Variants in PPP4R3A observed in about 807,000 individuals in gnomAD.
PPP4R3A encodes protein phosphatase 4 regulatory subunit 3A.
A neutral mutation model predicts 91.7 loss-of-function variants in PPP4R3A; 15 were observed. That is an observed-to-expected ratio of 0.16 (90% CI 0.11 to 0.25). The LOEUF is 0.25. PPP4R3A is among the 10% of genes least tolerant of loss of function. The pLI is 1.00. For synonymous variants in PPP4R3A, 377 were observed against 348.7 expected, an observed-to-expected ratio of 1.08 and a Z score of -0.91; for missense variants, 623 against 998.4, an observed-to-expected ratio of 0.62 and a Z score of 5.07.
intron 10 of PPP4R3A, among the ~76,000 whole-genome samples, chr14:91,470,031 T>G (rs1888744191): frequency 6.6e-6 from 1 of 152,018 alleles, no homozygotes; most frequent in Non-Finnish European, 1.5e-5. Context: ...AATTAGTGCA[T>G]GACTATGACT....
chr14:91,460,268 C>T (rs957060149), intron 14 of PPP4R3A, among the ~76,000 whole-genome samples: 1 of 152,134 alleles, frequency 6.6e-6, no homozygotes, highest in Non-Finnish European at 1.5e-5. Flanking sequence ...CCCCCTGGAC[C>T]TCCCAAAGCA....
At chr14:91,470,353 A>C (rs10873408) in intron 10 of PPP4R3A, among the ~76,000 whole-genome samples, 74,739 of 152,012 alleles carry the variant, frequency 0.49, 18,700 homozygotes, top group Admixed American at 0.53. Flanking sequence ...TTGTTATGAG[A>C]CTATATTGCT....
rs776676247 is a variant in PPP4R3A at position 91,462,905 on chromosome 14, T to C, written c.1831-28A>G. On this transcript the variant is annotated intron_variant, in intron 11 of 14. Coordinates refer to ENST00000554943, the MANE Select transcript of PPP4R3A (RefSeq NM_001366432.2). The stretch of plus-strand genomic sequence containing the variant: ...ACAGAAAAGAATAGTAATGAAAAAA[T>C]GATAGGAAAATGTCATTTTAGCAAG... 61 of 1,550,146 alleles carry C rather than the reference T, an allele frequency of 3.9e-5. No homozygotes were observed. In the South Asian group the frequency reaches 6.5e-4, roughly 16 times the overall value.
At position 91,509,711 on chromosome 14, in the gene PPP4R3A, AGGCGAGG is replaced by A. The variant is rs902059929; in HGVS notation, c.-71_-65del. The A allele has an allele frequency of 8.3e-5, 125 of 1,515,060 alleles. No homozygotes were observed. Among genetic ancestry groups the A allele is most frequent in the Non-Finnish European group, 1.1e-4 (124 of 1,139,858 alleles). The allele number at this position is 1,515,060 out of a possible 1,614,324, so 93.9% of individuals were successfully genotyped here. On this transcript the variant is annotated 5_prime_UTR_variant, in exon 1 of 15. Transcript: ENST00000554943. ...GACGCCCAGGAAAGGGGCCCTGGAG[AGGCGAGG>A]GGCGAGGCGTGAGGGCGCCCGCGAG...
intron 13 of PPP4R3A, 103 bp from the exon 14 acceptor site, chr14:91,461,710 G>C: frequency 8.6e-7 from 1 of 1,161,052 alleles, no homozygotes; most frequent in South Asian, 1.6e-5. Context: ...ACTACGCTGG[G>C]TAGAAACATT....
chr14:91,463,072 CTTTTT>C (rs371641390), intron 11 of PPP4R3A, among the ~76,000 whole-genome samples, 195 bp from the exon 12 acceptor site: 1 of 148,244 alleles, frequency 6.7e-6, no homozygotes, highest in Non-Finnish European at 1.5e-5. Context: ...ATCTATGGGT[CTTTTT>C]TTTTTGAGAT....
chr14:91,507,394 T>TATAATTATATATACTACATA (rs1566660222), intron 1 of PPP4R3A, among the ~76,000 whole-genome samples: 1,959 of 59,624 alleles, frequency 0.033, 80 homozygotes, highest in Non-Finnish European at 0.05. Context: ...ATATAGTATA[T>TATAATTATATATACTACATA]GTACTATAAT....
intron 7 of PPP4R3A, 121 bp from the exon 8 acceptor site, chr14:91,473,491 A>C: frequency 9.5e-7 from 1 of 1,054,300 alleles, no homozygotes; most frequent in South Asian, 1.7e-5. Context: ...CTGCAAAGTG[A>C]AATGTTTAAC....
At chr14:91,482,417 T>C (rs1376503154) in intron 3 of PPP4R3A, among the ~76,000 whole-genome samples, 3 of 152,216 alleles carry the variant, frequency 2.0e-5, no homozygotes. Flanking sequence ...CTATAAAGTA[T>C]GAGGTCTGCT....
intron 1 of PPP4R3A, among the ~76,000 whole-genome samples, chr14:91,501,143 A>AT (rs1364668242): frequency 6.6e-6 from 1 of 152,228 alleles, no homozygotes; most frequent in Non-Finnish European, 1.5e-5. Flanking sequence ...AAGAAACGAG[A>AT]TAGTATAGAG....
At chr14:91,495,186 G>C (rs1890463106) in intron 1 of PPP4R3A, among the ~76,000 whole-genome samples, 1 of 151,946 alleles carries the variant, frequency 6.6e-6, no homozygotes, top group South Asian at 2.1e-4. Context: ...ATTCAATGTG[G>C]CATATACTCA....
intron 1 of PPP4R3A, among the ~76,000 whole-genome samples, chr14:91,507,195 C>T (rs1271183999): frequency 6.6e-6 from 1 of 151,386 alleles, no homozygotes; most frequent in Non-Finnish European, 1.5e-5. Context: ...GTGGCACATG[C>T]CCATAGTCCC....
intron 9 of PPP4R3A, among the ~76,000 whole-genome samples, 179 bp downstream of exon 9, chr14:91,472,852 ATT>A: frequency 1.3e-5 from 1 of 75,570 alleles, no homozygotes. Context: ...AACCAACCAA[ATT>A]ATTAAGACCT....
intron 1 of PPP4R3A, among the ~76,000 whole-genome samples, chr14:91,501,539 C>T (rs1396463297): frequency 6.6e-6 from 1 of 152,018 alleles, no homozygotes; most frequent in Non-Finnish European, 1.5e-5. Context: ...CACCTGTGGT[C>T]CCAGCTACTT....
At chr14:91,505,231 TCA>T (rs763311534) in intron 1 of PPP4R3A, among the ~76,000 whole-genome samples, 11 of 152,030 alleles carry the variant, frequency 7.2e-5, no homozygotes. Context: ...GGAGGGCGGA[TCA>T]CCTGATGTCA....
intron 2 of PPP4R3A, 110 bp downstream of exon 2, chr14:91,490,637 C>T: frequency 1.3e-6 from 1 of 790,234 alleles, no homozygotes; most frequent in Non-Finnish European, 2.0e-6. Context: ...AATTTCACTG[C>T]CAAACTGTTG....
At chr14:91,508,765 A>T (rs778646582) in intron 1 of PPP4R3A, among the ~76,000 whole-genome samples, 11 of 152,232 alleles carry the variant, frequency 7.2e-5, no homozygotes, top group Admixed American at 6.5e-4. Flanking sequence ...GAAAGGTTTT[A>T]AAAATTATCT....
chr14:91,500,044 G>C (rs1470226065), intron 1 of PPP4R3A, among the ~76,000 whole-genome samples: 2 of 152,054 alleles, frequency 1.3e-5, no homozygotes, highest in African/African-American at 2.4e-5. Context: ...TTTTTAAAAG[G>C]AAAGGTTTTG....
At chr14:91,481,542 C>CTTGAAATA (rs1481589818) in intron 4 of PPP4R3A, 34 bp downstream of exon 4, 2 of 1,505,234 alleles carry the variant, frequency 1.3e-6, no homozygotes, top group East Asian at 4.6e-5. Flanking sequence ...CGCTGCATCT[C>CTTGAAATA]TTGAAATATG....
Sources: allele counts gnomAD v4.1 joint callset (sites outside exome capture counted in the v4.1 genomes callset), GRCh38; gene constraint gnomAD v4.1.1; transcripts MANE v1.5; gene names NCBI Gene and HGNC (gene_info 2026-07-23, HGNC 2026-07-21).